PRKN: variants seen among roughly 807,000 people sequenced by gnomAD.
PRKN encodes parkin RBR E3 ubiquitin protein ligase, also known as E3 ubiquitin-protein ligase parkin.
In PRKN, 56 loss-of-function variants were observed where a neutral mutation model predicts 59.5. The ratio of observed to expected loss-of-function variants is 0.94; its 90% CI spans 0.76 to 1.18. The LOEUF (loss-of-function observed/expected upper bound fraction) is 1.18, where lower values mean the gene tolerates loss of function less well. PRKN is among the 50% of genes most tolerant of loss of function. PRKN has a pLI of 0.00. For synonymous variants in PRKN, 250 were observed against 222.1 expected (o/e 1.13, Z -1.12); for missense variants, 657 against 596.4 (o/e 1.10, Z -1.06).
chr6:161,820,639 T>TA (rs1412301071), intron 6 of PRKN, among the ~76,000 whole-genome samples: 1 of 148,146 alleles, frequency 6.8e-6, no homozygotes, highest in Non-Finnish European at 1.5e-5. Context: ...CAAATATTTA[T>TA]AAAAATATAT....
At chr6:162,549,967 A>C (rs917373036) in intron 1 of PRKN, among the ~76,000 whole-genome samples, 2 of 152,180 alleles carry the variant, frequency 1.3e-5, no homozygotes, top group African/African-American at 4.8e-5. Flanking sequence ...TTAATGTAAA[A>C]CAAAAAGAAA....
intron 1 of PRKN, among the ~76,000 whole-genome samples, chr6:162,549,174 CCCCAGAAGACGGCCATCTTCAA>C (rs1166712121): frequency 2.0e-5 from 3 of 152,150 alleles, no homozygotes; most frequent in Non-Finnish European, 2.9e-5. Context: ...GTGAGGACAC[CCCCAGAAGACGGCCATCTTCAA>C]CCCAGAAGAC....
At chr6:162,391,111 GTT>G (rs1283959004) in intron 2 of PRKN, among the ~76,000 whole-genome samples, 1 of 152,186 alleles carries the variant, frequency 6.6e-6, no homozygotes, top group Non-Finnish European at 1.5e-5. Context: ...AACTAAAAAT[GTT>G]GAAATACTTA....
intron 7 of PRKN, among the ~76,000 whole-genome samples, chr6:161,663,369 G>T (rs376607942): frequency 6.6e-6 from 1 of 152,088 alleles, no homozygotes; most frequent in African/African-American, 2.4e-5. Flanking sequence ...TGTAATATGA[G>T]AATATGAATG....
intron 7 of PRKN, among the ~76,000 whole-genome samples, chr6:161,680,451 T>C (rs1011518661): frequency 6.6e-6 from 1 of 152,086 alleles, no homozygotes; most frequent in African/African-American, 2.4e-5. Flanking sequence ...TCCTCGAGCG[T>C]CCATTTGAGT....
chr6:162,338,967 G>A (rs1211035734), intron 2 of PRKN, among the ~76,000 whole-genome samples: 3 of 149,916 alleles, frequency 2.0e-5, no homozygotes, highest in Non-Finnish European at 4.4e-5. Context: ...GGTGAGGAGC[G>A]TCTCTGCCCG....
chr6:162,031,006 G>A (rs921638626), intron 5 of PRKN, among the ~76,000 whole-genome samples: 3 of 152,138 alleles, frequency 2.0e-5, no homozygotes, highest in African/African-American at 7.2e-5. Flanking sequence ...AAACTATAGC[G>A]CATTTCCTCC....
At chr6:162,554,678 T>A (rs1331383004) in intron 1 of PRKN, among the ~76,000 whole-genome samples, 1 of 152,010 alleles carries the variant, frequency 6.6e-6, no homozygotes, top group Non-Finnish European at 1.5e-5. Flanking sequence ...GATCAGGGGC[T>A]TTTACTAGAG....
chr6:162,206,653 C>T (rs1414164434), intron 3 of PRKN, among the ~76,000 whole-genome samples: 1 of 152,134 alleles, frequency 6.6e-6, no homozygotes, highest in East Asian at 1.9e-4. Flanking sequence ...CTGGTGGAGC[C>T]CTGGATTCTC....
intron 1 of PRKN, among the ~76,000 whole-genome samples, chr6:162,562,903 T>G (rs1779900289): frequency 6.6e-6 from 1 of 152,210 alleles, no homozygotes; most frequent in South Asian, 2.1e-4. Context: ...TGGCTTCATG[T>G]CTGACTCAAC....
At chr6:162,497,981 C>T (rs913668626) in intron 1 of PRKN, among the ~76,000 whole-genome samples, 1 of 152,216 alleles carries the variant, frequency 6.6e-6, no homozygotes, top group East Asian at 1.9e-4. Context: ...TTGGTCATTA[C>T]ATGTTGTATG....
Position 161,386,005 on chromosome 6 carries a change from T to G in PRKN, c.1167+789A>C, listed in dbSNP as rs1321193057. On this transcript the variant is annotated intron_variant, in intron 10 of 11. Coordinates refer to ENST00000366898, the MANE Select transcript of PRKN (RefSeq NM_004562.3). The surrounding 1 kb of genome is among the most constrained non-coding windows in gnomAD (Gnocchi z 4.3). ...TATTCATGCTCTGATTTTAGAGCATTCAGATCTTTAACATTCTCTATTGTA... is the reference window on the plus strand; with the variant it reads ...TATTCATGCTCTGATTTTAGAGCATGCAGATCTTTAACATTCTCTATTGTA... Among the ~76,000 whole-genome samples the G allele has an allele frequency of 2.0e-5, 3 of 152,234 alleles. 1 individual carries two copies. The highest frequency in any genetic ancestry group is 2.9e-5 in the Non-Finnish European group (2 of 68,036).
rs182917351 is a variant in PRKN, at chr6:161,845,130, T to C, written c.735-59222A>G. 7.9e-5 allele frequency among the ~76,000 whole-genome samples: 12 copies of C among 152,296 alleles called. No homozygotes were observed. In the East Asian group the frequency reaches 2.3e-3, roughly 29 times the overall value. The stretch of plus-strand genomic sequence containing the variant: ...TCTCTGACTGAAAATCAATCAACTC[T>C]TAAACAGTAAACATTTAAAGTGGGA... On this transcript the variant is annotated intron_variant, in intron 6 of 11. Coordinates refer to ENST00000366898, the MANE Select transcript of PRKN (RefSeq NM_004562.3).
At chr6:161,733,959 TACACACACACACACACACACACAC>T (rs10597403) in intron 7 of PRKN, among the ~76,000 whole-genome samples, 3 of 133,592 alleles carry the variant, frequency 2.2e-5, no homozygotes, top group African/African-American at 8.9e-5. Flanking sequence ...AAAATTCATT[TACACACACACACACACACACACAC>T]ACACACACAC....
At chr6:161,940,794 G>A (rs1217715343) in intron 6 of PRKN, among the ~76,000 whole-genome samples, 1 of 152,174 alleles carries the variant, frequency 6.6e-6, no homozygotes, top group Non-Finnish European at 1.5e-5. Context: ...CTCCCTGCAG[G>A]CGCACAATCT....
intron 1 of PRKN, among the ~76,000 whole-genome samples, chr6:162,627,160 G>GAAA (rs1782929242): frequency 6.6e-6 from 1 of 152,104 alleles, no homozygotes; most frequent in East Asian, 1.9e-4. Context: ...GAAAATGATG[G>GAAA]ACAATTTCTA....
intron 7 of PRKN, among the ~76,000 whole-genome samples, chr6:161,666,357 G>GT (rs1784726188): frequency 6.6e-6 from 1 of 152,206 alleles, no homozygotes; most frequent in South Asian, 2.1e-4. Flanking sequence ...TGCATGGGAT[G>GT]TAAGTTGTGT....
Position 161,429,476 on chromosome 6 carries a change from T to A in PRKN, c.1084-42599A>T, listed in dbSNP as rs1416654092. Reference sequence around the variant, plus strand: ...ATAACACGAATGTGGTGAGGCAGGGTGGTATCCCCAGAGCTGAGACCTTGC... The same window carrying A: ...ATAACACGAATGTGGTGAGGCAGGGAGGTATCCCCAGAGCTGAGACCTTGC... On this transcript the variant is annotated intron_variant, in intron 9 of 11. Transcript: ENST00000366898. This position sits in a 1 kb window ranked among gnomAD's most constrained non-coding sequence, Gnocchi z 4.2. 6.6e-6 allele frequency among the ~76,000 whole-genome samples: 1 copy of A among 152,052 alleles called. No individual in the cohort carries two copies. Among genetic ancestry groups the A allele is most frequent in the Admixed American group, 6.6e-5 (1 of 15,264 alleles).
chr6:161,511,644 C>T (rs1362929058), intron 9 of PRKN, among the ~76,000 whole-genome samples: 1 of 152,112 alleles, frequency 6.6e-6, no homozygotes, highest in Non-Finnish European at 1.5e-5. Flanking sequence ...CAAGAACACC[C>T]AGCCCTCATG....
Sources: allele counts gnomAD v4.1 joint callset (sites outside exome capture counted in the v4.1 genomes callset), GRCh38; gene constraint gnomAD v4.1.1; non-coding constraint Gnocchi (gnomAD v3.1); transcripts MANE v1.5; gene names NCBI Gene and HGNC (gene_info 2026-07-23, HGNC 2026-07-21).